BCAR3: variants seen among roughly 807,000 people sequenced by gnomAD.
BCAR3 encodes BCAR3 adaptor protein, NSP family member.
Under a neutral mutation model 80.1 loss-of-function variants are expected in BCAR3, and 37 were observed. The observed-to-expected ratio is 0.46, with a 90% confidence interval of 0.36 to 0.61. The LOEUF (loss-of-function observed/expected upper bound fraction) is 0.61. Among genes scored for constraint, BCAR3 ranks in the 20% least tolerant of loss-of-function variants. The pLI is 0.00. For missense variants in BCAR3, 978 were observed against 1,068.2 expected (o/e 0.92, Z 1.18); for synonymous variants, 389 against 418.9 (o/e 0.93, Z 0.87).
At position 93,842,256 on chromosome 1, in the gene BCAR3, G is replaced by A. The variant is rs184875959; in HGVS notation, c.-63+3311C>T. On this transcript the variant is annotated intron_variant, in intron 2 of 13. Coordinates refer to the BCAR3 transcript ENST00000370244. ...AACCTCTGCCTCCCAGGTTCAAGCA[G>A]TCCTCCTGTCTCAGCCTCCCGAGTA... Among the ~76,000 whole-genome samples the A allele has an allele frequency of 3.8e-3, 568 of 151,186 alleles. 4 individuals carry two copies. The highest frequency in any genetic ancestry group is 0.013 in the African/African-American group (551 of 41,116).
At chr1:93,679,944 G>A (rs545244759) in intron 1 of BCAR3, among the ~76,000 whole-genome samples, 38 of 152,276 alleles carry the variant, frequency 2.5e-4, no homozygotes, top group African/African-American at 8.9e-4. Context: ...AAATGTAACC[G>A]TCTCGGCTGC....
rs200778656 is a variant in BCAR3, at chr1:93,582,756, G to A, written c.1231C>T (p.Pro411Ser). 142 of 1,614,152 alleles carry A rather than the reference G, an allele frequency of 8.8e-5. 2 individuals carry two copies. The Admixed American group carries it at 1.7e-3, about 20-fold the overall frequency. The change falls in exon 7 of 12, where the codon CCG becomes TCG. Residue 411 changes from proline to serine, a missense_variant. Physicochemically the swap from Pro to Ser is moderately conservative, Grantham distance 74. Coordinates refer to ENST00000260502, the MANE Select transcript of BCAR3 (RefSeq NM_003567.4). ...PKPPPKPCKV[P>S]FLKVPSSPSA... Reference sequence around the variant, plus strand: ...GGAGACGAGGGAACCTTGAGGAACGGCACCTTGCAGGGCTTAGGCGGGGGC... The same window carrying A: ...GGAGACGAGGGAACCTTGAGGAACGACACCTTGCAGGGCTTAGGCGGGGGC...
intron 3 of BCAR3, among the ~76,000 whole-genome samples, chr1:93,629,274 G>T (rs1570985480): frequency 6.6e-6 from 1 of 152,200 alleles, no homozygotes; most frequent in Admixed American, 6.5e-5. Context: ...GGAGTCTTCT[G>T]CCTTACCCAA....
chr1:93,761,836 C>T (rs906687417), intron 2 of BCAR3, among the ~76,000 whole-genome samples: 1 of 152,164 alleles, frequency 6.6e-6, no homozygotes, highest in African/African-American at 2.4e-5. Context: ...ATGAGCCAGT[C>T]CATTGATTAC....
intron 1 of BCAR3, among the ~76,000 whole-genome samples, chr1:93,677,619 G>T (rs1648545438): frequency 6.6e-6 from 1 of 152,200 alleles, no homozygotes; most frequent in African/African-American, 2.4e-5. Flanking sequence ...AGAAAGGAGA[G>T]AGTGATGAGA....
At chr1:93,674,157 G>T (rs998432470) in intron 2 of BCAR3, among the ~76,000 whole-genome samples, 1 of 152,208 alleles carries the variant, frequency 6.6e-6, no homozygotes, top group Non-Finnish European at 1.5e-5. Context: ...AAGTAGGTGG[G>T]AGTACAGACA....
In BCAR3 at chr1:93,778,207, C is replaced by T. The variant is rs1473683946; in HGVS notation, c.-63+67360G>A. Among the ~76,000 whole-genome samples the T allele has an allele frequency of 3.3e-5, 5 of 152,120 alleles. No individual in the cohort carries two copies. The East Asian group carries it at 7.7e-4, about 23-fold the overall frequency. ...GAAGCATAATTTAGAGACTACAAAC[C>T]GGTACTAGGGGCATGGACTGCATTT... On this transcript the variant is annotated intron_variant, in intron 2 of 13. Transcript: ENST00000370244.
intron 3 of BCAR3, chr1:93,599,698 G>T (rs1046304018): frequency 6.6e-6 from 1 of 152,192 alleles, no homozygotes; most frequent in Non-Finnish European, 1.5e-5. Flanking sequence ...TCGGTGCCTG[G>T]TAGGGATATT....
At chr1:93,710,108 G>C (rs1034541663) in intron 2 of BCAR3, among the ~76,000 whole-genome samples, 1 of 152,192 alleles carries the variant, frequency 6.6e-6, no homozygotes, top group Non-Finnish European at 1.5e-5. Context: ...AAGTGTCCTA[G>C]TCTCTGTAAA....
At chr1:93,621,366 T>C (rs1303056934) in intron 3 of BCAR3, among the ~76,000 whole-genome samples, 1 of 152,218 alleles carries the variant, frequency 6.6e-6, no homozygotes, top group East Asian at 1.9e-4. Context: ...AGAAACTGTA[T>C]ACAAATTGTT....
Position 93,584,002 on chromosome 1 carries a change from ATTCCC to A in BCAR3, c.1033+11_1033+15del. On this transcript the variant is annotated intron_variant, in intron 6 of 11. Transcript: ENST00000260502. The stretch of plus-strand genomic sequence containing the variant: ...GGTAACACTGACGTTCTCCCTGAAA[ATTCCC>A]CGAAACATACCAATCGGCAGGTAGC... The A allele has an allele frequency of 6.2e-7, 1 of 1,611,080 alleles. No individual in the cohort carries two copies. Among genetic ancestry groups the A allele is most frequent in the Middle Eastern group, 1.7e-4 (1 of 6,058 alleles).
intron 2 of BCAR3, among the ~76,000 whole-genome samples, chr1:93,707,430 C>A (rs1649863424): frequency 6.6e-6 from 1 of 152,052 alleles, no homozygotes; most frequent in Admixed American, 6.6e-5. Flanking sequence ...TAATAATAGG[C>A]CGGGCATGGT....
In BCAR3 at chr1:93,721,611, T is replaced by C. The variant is rs371622481; in HGVS notation, c.-62-15469A>G. Among the ~76,000 whole-genome samples, 15 of 152,296 alleles carry C rather than the reference T, an allele frequency of 9.8e-5. No homozygotes were observed. The South Asian group carries it at 3.1e-3, about 32-fold the overall frequency. On this transcript the variant is annotated intron_variant, in intron 2 of 13. Coordinates refer to the BCAR3 transcript ENST00000370244. Reference sequence around the variant, plus strand: ...TTGCTGACCTAAGTATGGTGGAGAATGCTTGAGGCACATCTTCTATCTGTG... The same window carrying C: ...TTGCTGACCTAAGTATGGTGGAGAACGCTTGAGGCACATCTTCTATCTGTG...
At position 93,681,635 on chromosome 1, in the gene BCAR3, C is replaced by T. The variant is rs563756826; in HGVS notation, c.-49G>A. 6.6e-6 allele frequency: 1 copy of T among 151,984 alleles called. No individual in the cohort carries two copies. The highest frequency in any genetic ancestry group is 1.5e-5 in the Non-Finnish European group (1 of 67,978). The allele number at this position is 151,984 out of a possible 1,614,324, so 9.4% of individuals were successfully genotyped here. A position where few individuals can be genotyped will look rare whatever the true frequency, so the allele number is the denominator to read the frequency against. On this transcript the variant is annotated 5_prime_UTR_variant, in exon 1 of 12. Transcript: ENST00000260502. ...CGCTGGGCGCTCGGGCTCTCAGGAT[C>T]TCTGGACCTCCGGCTGGGGCTCAAA...
At chr1:93,816,642 G>A (rs1654025720) in intron 2 of BCAR3, among the ~76,000 whole-genome samples, 1 of 121,622 alleles carries the variant, frequency 8.2e-6, no homozygotes, top group Admixed American at 1.1e-4. Flanking sequence ...CTGCATTCTA[G>A]CCTCGGCGAC....
upstream of BCAR3, among the ~76,000 whole-genome samples, chr1:93,684,086 T>C (rs1648892239): frequency 6.6e-6 from 1 of 152,186 alleles, no homozygotes. Context: ...TCCTTCCTAC[T>C]TCATTAGAAG....
At chr1:93,588,884 A>C (rs1391449818) in intron 5 of BCAR3, 93 bp downstream of exon 5, 2 of 1,334,642 alleles carry the variant, frequency 1.5e-6, no homozygotes, top group Non-Finnish European at 2.0e-6. Flanking sequence ...AACATCTTTT[A>C]TTTCTTTGTT....
chr1:93,632,901 C>A (rs181167788), intron 3 of BCAR3, among the ~76,000 whole-genome samples: 1 of 152,172 alleles, frequency 6.6e-6, no homozygotes, highest in African/African-American at 2.4e-5. Flanking sequence ...TGCCTATAAT[C>A]CCAGCTACTT....
At chr1:93,679,885 G>T (rs1031985034) in intron 1 of BCAR3, among the ~76,000 whole-genome samples, 3 of 152,152 alleles carry the variant, frequency 2.0e-5, no homozygotes, top group Admixed American at 6.5e-5. Context: ...ACTCATAATG[G>T]TTATCTGATG....
Sources: gnomAD v4.1 joint callset for allele counts (sites outside exome capture counted in the v4.1 genomes callset) on GRCh38, gnomAD v4.1.1 for gene constraint, MANE v1.5 for transcripts, NCBI Gene and HGNC (gene_info 2026-07-23, HGNC 2026-07-21) for gene names.